HGSNAT: variants seen among roughly 807,000 people sequenced by gnomAD.
HGSNAT encodes the protein heparan-alpha-glucosaminide N-acetyltransferase.
HGSNAT carries 59 observed loss-of-function variants against 85.2 expected under a neutral mutation model. That is an observed-to-expected ratio of 0.69 (90% CI 0.56 to 0.86). The LOEUF is 0.86. HGSNAT is among the 40% of genes least tolerant of loss of function. The pLI is 0.00. For synonymous variants in HGSNAT, 321 were observed against 304.5 expected, an observed-to-expected ratio of 1.05 and a Z score of -0.56; for missense variants, 756 against 777.1, an observed-to-expected ratio of 0.97 and a Z score of 0.32.
chr8:43,192,850 C>T (rs922862171), intron 13 of HGSNAT, among the ~76,000 whole-genome samples: 5 of 152,058 alleles, frequency 3.3e-5, no homozygotes, highest in Non-Finnish European at 5.9e-5. Context: ...CGTCTCAGGT[C>T]GGATTTCCTG....
chr8:43,156,343 T>G (rs1297244345), intron 2 of HGSNAT, among the ~76,000 whole-genome samples: 1 of 152,174 alleles, frequency 6.6e-6, no homozygotes, highest in East Asian at 1.9e-4. Flanking sequence ...TCTCACTCTT[T>G]CGCCCAGGCT....
In HGSNAT at chr8:43,191,467, C is replaced by G; in HGVS notation, c.1129-7C>G. ...CACCCGTGTTTTATTTTTCTGCCCC[C>G]ACTCAGGAGAGGAGCTGCCTTTCTC... On this transcript the variant is annotated splice_polypyrimidine_tract_variant and splice_region_variant and intron_variant, in intron 11 of 17. Coordinates refer to ENST00000379644, the MANE Select transcript of HGSNAT (RefSeq NM_152419.3). The G allele has an allele frequency of 6.2e-7, 1 of 1,611,728 alleles. No individual in the cohort carries two copies.
intron 17 of HGSNAT, among the ~76,000 whole-genome samples, chr8:43,199,033 C>G (rs117791209): frequency 0.011 from 1,627 of 152,312 alleles, 22 homozygotes; most frequent in Non-Finnish European, 0.015. Context: ...TCCCAAGAAG[C>G]TGGGATTACG....
At position 43,191,524 on chromosome 8, in the gene HGSNAT, G is replaced by T; in HGVS notation, c.1179G>T (p.Trp393Cys). The T allele has an allele frequency of 6.2e-7, 1 of 1,614,002 alleles. No homozygotes were observed. Among genetic ancestry groups the T allele is most frequent in the South Asian group, 1.1e-5 (1 of 91,088 alleles). ...LRDITSSWPQWLLILVLEGLW... is the reference protein window; with the variant it reads ...LRDITSSWPQCLLILVLEGLW... ...ACATCACGTCCAGCTGGCCCCAGTG[G>T]CTGCTCATCCTGGTGCTGGAAGGCC... The change falls in exon 12 of 18, where the codon TGG (tryptophan) becomes TGT (cysteine). Residue 393 changes from tryptophan to cysteine, a missense_variant. By Grantham distance (215) the Trp-to-Cys change is radical. Transcript: ENST00000379644.
At position 43,197,740 on chromosome 8, in the gene HGSNAT, C is replaced by T. The variant is rs1336223574; in HGVS notation, c.1611C>T (p.Leu537=). Residue 537 remains leucine, a splice_region_variant and synonymous_variant, in exon 16 of 18, where the codon CTC becomes CTT. Coordinates refer to ENST00000379644, the MANE Select transcript of HGSNAT (RefSeq NM_152419.3). ...GCTTTATTCCAGTAAACAAAAATCT[C>T]TGGTATGTATGGAAAAAGCATGATT... is the stretch of plus-strand genomic sequence containing the variant. The part of the protein sequence containing the change: ...NEGFIPVNKN[L]WSLSYVTTLS... 1 of 1,612,036 alleles carries T rather than the reference C, an allele frequency of 6.2e-7. No homozygotes were observed. Among genetic ancestry groups the T allele is most frequent in the East Asian group, 2.2e-5 (1 of 44,892 alleles).
intron 5 of HGSNAT, among the ~76,000 whole-genome samples, chr8:43,166,425 A>G (rs10958739): frequency 0.76 from 115,723 of 152,074 alleles, 46,537 homozygotes; most frequent in Non-Finnish European, 0.9. Context: ...GTTGAAGCCA[A>G]TGCTCATTTA....
chr8:43,165,443 G>T (rs1239341049), intron 5 of HGSNAT, among the ~76,000 whole-genome samples: 1 of 152,060 alleles, frequency 6.6e-6, no homozygotes, highest in Non-Finnish European at 1.5e-5. Flanking sequence ...ATCCTACAGT[G>T]GCTTCTAAGT....
chr8:43,145,743 T>G (rs946176928), intron 1 of HGSNAT, among the ~76,000 whole-genome samples: 1 of 151,272 alleles, frequency 6.6e-6, no homozygotes, highest in African/African-American at 2.4e-5. Context: ...AGAGCAAGAC[T>G]CCATTTAAAA....
chr8:43,142,375 G>A (rs117743592), intron 1 of HGSNAT, among the ~76,000 whole-genome samples: 198 of 152,232 alleles, frequency 1.3e-3, no homozygotes, highest in Non-Finnish European at 2.2e-3. Flanking sequence ...TCTTGAAGCT[G>A]AACATCAAGC....
chr8:43,177,008 C>T (rs180975604), intron 9 of HGSNAT, among the ~76,000 whole-genome samples: 19 of 152,258 alleles, frequency 1.2e-4, no homozygotes, highest in Middle Eastern at 3.4e-3. Context: ...CTTTGACTTC[C>T]TCCTTTCCAA....
chr8:43,159,610 A>G (rs986669116), intron 4 of HGSNAT, among the ~76,000 whole-genome samples: 4 of 152,230 alleles, frequency 2.6e-5, no homozygotes, highest in Admixed American at 2.6e-4. Flanking sequence ...ATGATATATC[A>G]ATACATTCTC....
chr8:43,199,541 A>G lies in HGSNAT; in HGVS notation c.1880A>G (p.Tyr627Cys), dbSNP rs192857413. Residue 627 changes from tyrosine to cysteine, a missense_variant, in exon 18 of 18, where the codon TAT (tyrosine) becomes TGT (cysteine). By Grantham distance (194) the Tyr-to-Cys change is radical. Transcript: ENST00000379644. The stretch of plus-strand genomic sequence containing the variant: ...TGGGTGCTCATTGCCTACATCCTCT[A>G]TAGAAAGAAGATTTTTTGGAAAATC... The part of the protein sequence containing the change: ...ALWVLIAYIL[Y>C]RKKIFWKI 791 of 1,565,298 alleles carry G rather than the reference A, an allele frequency of 5.1e-4. 1 individual carries two copies. Among genetic ancestry groups the G allele is most frequent in the Middle Eastern group, 3.8e-3 (22 of 5,840 alleles).
At chr8:43,197,605 T>C (rs1804767086) in intron 15 of HGSNAT, 67 bp from the exon 16 acceptor site, 7 of 1,083,670 alleles carry the variant, frequency 6.5e-6, no homozygotes, top group Non-Finnish European at 1.0e-5. Context: ...TATATATTGG[T>C]GTTGAAACCA....
rs11781611 is a variant in HGSNAT at position 43,163,049 on chromosome 8, A to C, written c.563+1542A>C. Among the ~76,000 whole-genome samples, 1,181 of 152,120 alleles carry C rather than the reference A, an allele frequency of 7.8e-3. 9 individuals are homozygous for C. The highest frequency in any genetic ancestry group is 0.012 in the Non-Finnish European group (808 of 67,970). On this transcript the variant is annotated intron_variant, in intron 5 of 17. Coordinates refer to ENST00000379644, the MANE Select transcript of HGSNAT (RefSeq NM_152419.3). Reference sequence around the variant, plus strand: ...AAAATACAAAAAGTAGCTAAGTGTGATGGTGGGTGCCTGTAGTCCCAGCTA... The same window carrying C: ...AAAATACAAAAAGTAGCTAAGTGTGCTGGTGGGTGCCTGTAGTCCCAGCTA...
At chr8:43,187,023 C>T (rs2130794458) in intron 11 of HGSNAT, among the ~76,000 whole-genome samples, 2 of 152,248 alleles carry the variant, frequency 1.3e-5, no homozygotes, top group Middle Eastern at 6.8e-3. Context: ...GTTATAATTT[C>T]TGTTCTTTTA....
intron 2 of HGSNAT, among the ~76,000 whole-genome samples, chr8:43,152,788 G>A (rs1467622759): frequency 6.6e-6 from 1 of 151,978 alleles, no homozygotes; most frequent in Non-Finnish European, 1.5e-5. Context: ...AAAAATAAAG[G>A]TTAAGTGGAG....
At position 43,164,716 on chromosome 8, in the gene HGSNAT, G is replaced by A. The variant is rs1803377173; in HGVS notation, c.563+3209G>A. ...GAATTGCTGGAACCCAGGAAGTGGA[G>A]GTTTGCAGTGAGCCGAGATCGCGCT... On this transcript the variant is annotated intron_variant, in intron 5 of 17. Transcript: ENST00000379644. Among the ~76,000 whole-genome samples, 3 of 152,272 alleles carry A rather than the reference G, an allele frequency of 2.0e-5. No homozygotes were observed. The South Asian group carries it at 6.2e-4, about 32-fold the overall frequency.
chr8:43,158,090 AT>A (rs942192065), intron 2 of HGSNAT, among the ~76,000 whole-genome samples: 6 of 149,542 alleles, frequency 4.0e-5, no homozygotes, highest in South Asian at 2.1e-4. Context: ...TGACACAGTG[AT>A]TTTTTTTTTG....
In HGSNAT at chr8:43,173,069, C is replaced by T. The variant is rs1231899762; in HGVS notation, c.821-644C>T. Among the ~76,000 whole-genome samples, 12 of 152,176 alleles carry T rather than the reference C, an allele frequency of 7.9e-5. No individual in the cohort carries two copies. In the South Asian group the frequency reaches 8.3e-4, roughly 10 times the overall value. On this transcript the variant is annotated intron_variant, in intron 8 of 17. Coordinates refer to ENST00000379644, the MANE Select transcript of HGSNAT (RefSeq NM_152419.3). ...GTGTGATAATAGCTGACCACAGCCT[C>T]GACCTCCTGGGCTCAAGCAATCCTC... is the stretch of plus-strand genomic sequence containing the variant.
Sources: gnomAD v4.1 joint callset for allele counts (sites outside exome capture counted in the v4.1 genomes callset) on GRCh38, gnomAD v4.1.1 for gene constraint, MANE v1.5 for transcripts, NCBI Gene and HGNC (gene_info 2026-07-23, HGNC 2026-07-21) for gene names.